Variants in PRR14 observed in about 807,000 individuals in gnomAD.
The protein encoded by PRR14 is proline-rich protein 14.
A neutral mutation model predicts 57.2 loss-of-function variants in PRR14; 33 were observed. The ratio of observed to expected loss-of-function variants is 0.58; its 90% CI spans 0.44 to 0.77. PRR14 has a LOEUF of 0.77. Ranked by LOEUF, PRR14 falls within the 30% of genes least tolerant of loss-of-function variation. PRR14 has a pLI of 0.00. For synonymous variants in PRR14, 303 were observed against 314.7 expected, an observed-to-expected ratio of 0.96 and a Z score of 0.39; for missense variants, 716 against 788.1, an observed-to-expected ratio of 0.91 and a Z score of 1.10.
In PRR14 at chr16:30,654,675, C is replaced by A. The variant is rs748504958; in HGVS notation, c.705C>A (p.Ser235Arg). The A allele has an allele frequency of 1.2e-6, 2 of 1,613,248 alleles. No homozygotes were observed. Among genetic ancestry groups the A allele is most frequent in the East Asian group, 4.5e-5 (2 of 44,882 alleles). ...TCCCATCCACCCCACCACCGTCCAG[C>A]CTTTTACGCCCCCGCCTCAGTCCCT... Reference protein sequence around the residue: ...LELPSTPPPSSLLRPRLSPWG... With the variant: ...LELPSTPPPSRLLRPRLSPWG... The change falls in exon 8 of 12, where the codon AGC becomes AGA. Residue 235 changes from serine (S) to arginine (R), a missense_variant. By Grantham distance (110) the Ser-to-Arg change is moderately radical. Coordinates refer to ENST00000300835, the MANE Select transcript of PRR14 (RefSeq NM_024031.5).
In PRR14 at chr16:30,650,969, G is replaced by A; in HGVS notation, c.-209G>A. 2.2e-6 allele frequency: 1 copy of A among 452,056 alleles called. No homozygotes were observed. The highest frequency in any genetic ancestry group is 4.5e-6 in the Non-Finnish European group (1 of 223,158). The allele number at this position is 452,056 out of a possible 1,614,324, so 28.0% of individuals were successfully genotyped here. On this transcript the variant is annotated 5_prime_UTR_variant, in exon 1 of 12. It adds an upstream start codon to the 5' untranslated region. Transcript: ENST00000300835. Reference sequence around the variant, plus strand: ...GTGGGCGGGACCTCCCGGGATTGGAGTGAAGAGGGTATCTGCTTGACAGTG... The same window carrying A: ...GTGGGCGGGACCTCCCGGGATTGGAATGAAGAGGGTATCTGCTTGACAGTG...
Position 30,653,349 on chromosome 16 carries a change from C to T in PRR14, c.505-16C>T. 3 of 1,613,698 alleles carry T rather than the reference C, an allele frequency of 1.9e-6. No homozygotes were observed. In the South Asian group the frequency reaches 3.3e-5, roughly 18 times the overall value. On this transcript the variant is annotated splice_polypyrimidine_tract_variant and intron_variant, in intron 5 of 11. Transcript: ENST00000300835. ...GCTTTCCTGCCTCCCCACAAACATC[C>T]CCTATTTTTATCCAGGGCTTCATTG...
At position 30,651,515 on chromosome 16, in the gene PRR14, C is replaced by A. The variant is rs956161001; in HGVS notation, c.-50-81C>A. On this transcript the variant is annotated intron_variant, in intron 1 of 11. Coordinates refer to ENST00000300835, the MANE Select transcript of PRR14 (RefSeq NM_024031.5). This position sits in a 1 kb window ranked among gnomAD's most constrained non-coding sequence, Gnocchi z 5.0. The stretch of plus-strand genomic sequence containing the variant: ...CTGCGGCCGCTGGGCTACGGGGAGC[C>A]GCGGGCGGACCATGAAGGGCGGAGC... 23 of 653,444 alleles carry A rather than the reference C, an allele frequency of 3.5e-5. No homozygotes were observed. The African/African-American group carries it at 4.5e-4, about 13-fold the overall frequency. The allele number at this position is 653,444 out of a possible 1,614,324, so 40.5% of individuals were successfully genotyped here. A position where few individuals can be genotyped will look rare whatever the true frequency, so the allele number is the denominator to read the frequency against.
intron 6 of PRR14, 118 bp downstream of exon 6, chr16:30,653,526 GC>G: frequency 9.2e-7 from 1 of 1,090,748 alleles, no homozygotes; most frequent in Non-Finnish European, 1.4e-6. Flanking sequence ...ATCTTAAAAA[GC>G]CTTAAGGGGC....
chr16:30,652,865 A>T (rs768859108), intron 4 of PRR14, 23 bp downstream of exon 4: 22 of 1,614,054 alleles, frequency 1.4e-5, no homozygotes, highest in East Asian at 2.2e-5. Flanking sequence ...GGATGGGGGT[A>T]AGCCGAGGGC....
rs748607303 is a variant in PRR14 at position 30,656,280 on chromosome 16, C to T, written c.1727C>T (p.Thr576Ile). ...GATGCCTTGCTCCTGGAGGAAGAAA[C>T]AGTAGATCGGGAGCAGCCCCACTGG... ...ELDALLLEEE[T>I]VDREQPHWT is the part of the protein sequence containing the mutation. The change falls in exon 12 of 12, where the codon ACA (threonine) becomes ATA (isoleucine). Residue 576 changes from threonine to isoleucine, a missense_variant. Transcript: ENST00000300835. 1 of 1,612,810 alleles carries T rather than the reference C, an allele frequency of 6.2e-7. No individual in the cohort carries two copies. Among genetic ancestry groups the T allele is most frequent in the South Asian group, 1.1e-5 (1 of 91,062 alleles).
intron 6 of PRR14, 82 bp from the exon 7 acceptor site, chr16:30,654,148 A>C (rs577353106): frequency 3.5e-5 from 32 of 902,638 alleles, no homozygotes; most frequent in East Asian, 1.2e-4. Flanking sequence ...AAAAAAGAAG[A>C]AGCCTTAAGG....
rs2052315955 is a variant in PRR14 at position 30,651,818 on chromosome 16, T to G, written c.46T>G (p.Cys16Gly). The G allele has an allele frequency of 5.0e-6, 8 of 1,606,500 alleles. No homozygotes were observed. The highest frequency in any genetic ancestry group is 5.9e-6 in the Non-Finnish European group (7 of 1,179,764). ...CAGCCCGCCTGGCCAGCCGCGTCTG[T>G]GCCGCCAGCCTCTGACTCGAGCATT... ...DSSPPGQPRL[C>G]RQPLTRALWG... The change falls in exon 3 of 12, where the codon TGC becomes GGC. Residue 16 changes from cysteine (C) to glycine (G), a missense_variant. Cys to Gly is a radical substitution (Grantham distance 159). Transcript: ENST00000300835. The surrounding 1 kb of genome is among the most constrained non-coding windows in gnomAD (Gnocchi z 5.0).
Position 30,655,951 on chromosome 16 carries a change from G to A in PRR14, c.1478+12G>A. Reference sequence around the variant, plus strand: ...CCCACAACCAGGAGGTGAGACACTTGGAAGGCTAGAGGGTGGCAGAGGGAA... The same window carrying A: ...CCCACAACCAGGAGGTGAGACACTTAGAAGGCTAGAGGGTGGCAGAGGGAA... On this transcript the variant is annotated intron_variant, in intron 11 of 11. Coordinates refer to ENST00000300835, the MANE Select transcript of PRR14 (RefSeq NM_024031.5). This position sits in a 1 kb window ranked among gnomAD's most constrained non-coding sequence, Gnocchi z 4.6. 1 of 1,613,692 alleles carries A rather than the reference G, an allele frequency of 6.2e-7. No homozygotes were observed.
At position 30,651,331 on chromosome 16, in the gene PRR14, C is replaced by T; in HGVS notation, c.-51+204C>T. 2.5e-6 allele frequency: 1 copy of T among 397,872 alleles called. No homozygotes were observed. The highest frequency in any genetic ancestry group is 4.6e-6 in the Non-Finnish European group (1 of 216,896). The allele number at this position is 397,872 out of a possible 1,614,324, so 24.6% of individuals were successfully genotyped here. On this transcript the variant is annotated intron_variant, in intron 1 of 11. Coordinates refer to ENST00000300835, the MANE Select transcript of PRR14 (RefSeq NM_024031.5). The surrounding 1 kb of genome is among the most constrained non-coding windows in gnomAD (Gnocchi z 5.0). ...GGGCATAATCTGCAGGGACAAAGGC[C>T]TCGGGAGGCTCGGGCCGCGGGAGAA...
upstream of PRR14, chr16:30,650,842 G>C: frequency 2.9e-6 from 1 of 344,060 alleles, no homozygotes; most frequent in South Asian, 2.0e-5. Context: ...GGAGTGGCTG[G>C]AGAGAGGGCG....
At position 30,651,164 on chromosome 16, in the gene PRR14, C is replaced by A; in HGVS notation, c.-51+37C>A. ...TCCTCAGGGATCCAGTCTAGGGGAT[C>A]TGGTGGGATGGAGGGTCGTCGATGT... On this transcript the variant is annotated intron_variant, in intron 1 of 11. Coordinates refer to ENST00000300835, the MANE Select transcript of PRR14 (RefSeq NM_024031.5). The surrounding 1 kb of genome is among the most constrained non-coding windows in gnomAD (Gnocchi z 5.0). The A allele has an allele frequency of 2.4e-6, 1 of 417,864 alleles. No homozygotes were observed. 25.9% of individuals were successfully genotyped at this position (417,864 alleles called of 1,614,324 possible). A position where few individuals can be genotyped will look rare whatever the true frequency, so the allele number is the denominator to read the frequency against.
In PRR14 at chr16:30,653,329, C is replaced by A. The variant is rs116694889; in HGVS notation, c.505-36C>A. On this transcript the variant is annotated intron_variant, in intron 5 of 11. Transcript: ENST00000300835. ...GGATGTGGGGCACTAAGGGGGCTTT[C>A]CTGCCTCCCCACAAACATCCCCTAT... 166 of 1,610,848 alleles carry A rather than the reference C, an allele frequency of 1.0e-4. No individual in the cohort carries two copies. In the African/African-American group the frequency reaches 2.0e-3, roughly 19 times the overall value.
At chr16:30,652,555 T>C (rs2052323987) in intron 3 of PRR14, 166 bp from the exon 4 acceptor site, 1 of 792,760 alleles carries the variant, frequency 1.3e-6, no homozygotes, top group Non-Finnish European at 2.1e-6. Context: ...ACTCTTAATA[T>C]CTGGCCCCTA....
In PRR14 at chr16:30,651,677, G is replaced by A. The variant is rs1395383690; in HGVS notation, c.23+9G>A. On this transcript the variant is annotated intron_variant, in intron 2 of 11. Coordinates refer to ENST00000300835, the MANE Select transcript of PRR14 (RefSeq NM_024031.5). The surrounding 1 kb of genome is among the most constrained non-coding windows in gnomAD (Gnocchi z 5.0). ...TTGCCCGGGGACTCCAGGTGAGAGC[G>A]TACCCGGGCGGCCCGCCTGTCTTGA... The A allele has an allele frequency of 6.2e-6, 10 of 1,611,650 alleles. No homozygotes were observed. The highest frequency in any genetic ancestry group is 7.6e-6 in the Non-Finnish European group (9 of 1,179,502).
In PRR14 at chr16:30,654,663, A is replaced by G. The variant is rs1313566056; in HGVS notation, c.693A>G (p.Pro231=). ...CTGCTCTGGAGCTCCCATCCACCCCACCACCGTCCAGCCTTTTACGCCCCC... is the reference window on the plus strand; with the variant it reads ...CTGCTCTGGAGCTCCCATCCACCCCGCCACCGTCCAGCCTTTTACGCCCCC... ...PDPALELPST[P]PPSSLLRPRL... is the part of the protein sequence containing the mutation. The change falls in exon 8 of 12, where the codon CCA becomes CCG. Residue 231 remains proline (P), a synonymous_variant. Coordinates refer to ENST00000300835, the MANE Select transcript of PRR14 (RefSeq NM_024031.5). 5.0e-6 allele frequency: 8 copies of G among 1,611,674 alleles called. No individual in the cohort carries two copies. Among genetic ancestry groups the G allele is most frequent in the Non-Finnish European group, 6.8e-6 (8 of 1,178,780 alleles).
chr16:30,651,573 C>T lies in PRR14; in HGVS notation c.-50-23C>T, dbSNP rs999894809. 4 of 862,316 alleles carry T rather than the reference C, an allele frequency of 4.6e-6. No individual in the cohort carries two copies. In the Admixed American group the frequency reaches 8.6e-5, roughly 18 times the overall value. The allele number at this position is 862,316 out of a possible 1,614,324, so 53.4% of individuals were successfully genotyped here. On this transcript the variant is annotated intron_variant, in intron 1 of 11. Transcript: ENST00000300835. This position sits in a 1 kb window ranked among gnomAD's most constrained non-coding sequence, Gnocchi z 5.0. ...AAGGGGCCGGCCCTCACCCCCCGCT[C>T]CCCCGCTCCCCCCTTACCCCAGGCC...
chr16:30,652,299 G>T (rs753440530), intron 3 of PRR14: 2 of 570,782 alleles, frequency 3.5e-6, no homozygotes, highest in African/African-American at 1.9e-5. Flanking sequence ...GGCATCAAGC[G>T]ATCTTCCCAT....
At position 30,656,044 on chromosome 16, in the gene PRR14, C is replaced by T; in HGVS notation, c.1491C>T (p.Thr497=). 6.4e-7 allele frequency: 1 copy of T among 1,560,026 alleles called. No individual in the cohort carries two copies. Among genetic ancestry groups the T allele is most frequent in the Non-Finnish European group, 8.7e-7 (1 of 1,154,780 alleles). ...QSPTTRRTFE[T]IFEEPRERNG... ...CTGCCTTGTTCAGGACCTTTGAGAC[C>T]ATCTTTGAGGAACCCCGGGAGCGCA... is the stretch of plus-strand genomic sequence containing the variant. Residue 497 remains threonine, a synonymous_variant, in exon 12 of 12, where the codon ACC becomes ACT. Coordinates refer to ENST00000300835, the MANE Select transcript of PRR14 (RefSeq NM_024031.5).
Sources: allele counts gnomAD v4.1 joint callset, GRCh38; gene constraint gnomAD v4.1.1; non-coding constraint Gnocchi (gnomAD v3.1); transcripts MANE v1.5; gene names NCBI Gene and HGNC (gene_info 2026-07-23, HGNC 2026-07-21).